Variants in SNX29 observed in about 807,000 individuals in gnomAD.
The protein encoded by SNX29 is sorting nexin 29.
Under a neutral mutation model 102.1 loss-of-function variants are expected in SNX29, and 78 were observed. The ratio of observed to expected loss-of-function variants is 0.76; its 90% CI spans 0.64 to 0.92. The LOEUF is 0.92. Ranked by LOEUF, SNX29 falls within the 40% of genes least tolerant of loss-of-function variation. The probability of loss-of-function intolerance (pLI) is 0.00; values close to 1 mark genes in which losing one functional copy is unlikely to be tolerated. For missense variants in SNX29, 1,280 were observed against 1,061.7 expected (o/e 1.21, Z -2.86); for synonymous variants, 580 against 414.5 (o/e 1.40, Z -4.85).
intron 16 of SNX29, among the ~76,000 whole-genome samples, chr16:12,370,172 A>G (rs1406562376): frequency 2.6e-5 from 4 of 152,226 alleles, no homozygotes; most frequent in Non-Finnish European, 5.9e-5. Context: ...CAGTGAGCCA[A>G]GATGGTGCCA....
intron 16 of SNX29, among the ~76,000 whole-genome samples, chr16:12,365,925 C>G (rs2082458194): frequency 6.7e-6 from 1 of 149,528 alleles, no homozygotes; most frequent in Non-Finnish European, 1.5e-5. Flanking sequence ...GCTTGTAGTC[C>G]CAGCTACTCG....
chr16:12,066,952 C>G (rs1027657797), intron 9 of SNX29, among the ~76,000 whole-genome samples: 2 of 150,842 alleles, frequency 1.3e-5, no homozygotes, highest in Non-Finnish European at 2.9e-5. Context: ...TGAGACTGGT[C>G]TGGGCAACAT....
At chr16:12,284,826 G>A (rs1473510524) in intron 15 of SNX29, among the ~76,000 whole-genome samples, 1 of 151,886 alleles carries the variant, frequency 6.6e-6, no homozygotes, top group East Asian at 1.9e-4. Flanking sequence ...CCAGGTTCAA[G>A]CAATTCTCCT....
intron 20 of SNX29, among the ~76,000 whole-genome samples, chr16:12,549,128 C>G (rs1025942502): frequency 6.6e-6 from 1 of 152,174 alleles, no homozygotes; most frequent in African/African-American, 2.4e-5. Context: ...ATGGAAAATT[C>G]TGGGGTAGTT....
intron 18 of SNX29, among the ~76,000 whole-genome samples, chr16:12,460,436 T>A (rs1321198673): frequency 6.6e-6 from 1 of 152,076 alleles, no homozygotes; most frequent in Non-Finnish European, 1.5e-5. Context: ...AGTAGAAAAC[T>A]CCTTCTATAT....
In SNX29 at chr16:12,461,978, A is replaced by AAAT. The variant is rs1555544501; in HGVS notation, c.2038-15740_2038-15739insATA. ...CTCAAAAAAAAAAAAAAAAAAAAAA[A>AAAT]ATATATATATATATATATATATATA... On this transcript the variant is annotated intron_variant, in intron 18 of 20. Coordinates refer to ENST00000566228, the MANE Select transcript of SNX29 (RefSeq NM_032167.5). Among the ~76,000 whole-genome samples the AAAT allele has an allele frequency of 1.1e-3, 30 of 27,350 alleles. 1 individual carries two copies. The highest frequency in any genetic ancestry group is 7.3e-3 in the South Asian group (3 of 410). 17.9% of individuals were successfully genotyped at this position (27,350 alleles called of 152,430 possible).
chr16:12,096,130 T>G lies in SNX29; in HGVS notation c.1402+17215T>G, dbSNP rs2052756818. 6.6e-6 allele frequency among the ~76,000 whole-genome samples: 1 copy of G among 152,218 alleles called. No individual in the cohort carries two copies. The highest frequency in any genetic ancestry group is 1.5e-5 in the Non-Finnish European group (1 of 68,042). ...GCTGCAGTCTGAGCCCCCTGCCCCT[T>G]AACTGCCGAGAAGTGAACCTAGGTG... On this transcript the variant is annotated intron_variant, in intron 11 of 20. Transcript: ENST00000566228. The surrounding 1 kb of genome is among the most constrained non-coding windows in gnomAD (Gnocchi z 4.2).
chr16:12,437,707 C>T (rs1408235859), intron 18 of SNX29, among the ~76,000 whole-genome samples: 3 of 152,236 alleles, frequency 2.0e-5, no homozygotes, highest in Non-Finnish European at 4.4e-5. Flanking sequence ...AGGAGCACAC[C>T]GGCACCCAGA....
intron 14 of SNX29, among the ~76,000 whole-genome samples, chr16:12,215,718 C>A (rs12930378): frequency 0.13 from 19,276 of 152,190 alleles, 2,136 homozygotes; most frequent in South Asian, 0.29. Context: ...TCAGCTTGCA[C>A]AGCTTCCCCT....
intron 11 of SNX29, among the ~76,000 whole-genome samples, chr16:12,114,116 C>G (rs1303626078): frequency 6.6e-6 from 1 of 152,210 alleles, no homozygotes; most frequent in East Asian, 1.9e-4. Flanking sequence ...ACGTTGCCTC[C>G]CGTGCCAACT....
chr16:12,546,910 C>G (rs1020977963), intron 20 of SNX29, among the ~76,000 whole-genome samples: 4 of 152,154 alleles, frequency 2.6e-5, no homozygotes, highest in African/African-American at 9.7e-5. Context: ...GCTGGAAGCC[C>G]TAGGAGGATG....
intron 20 of SNX29, among the ~76,000 whole-genome samples, chr16:12,554,678 C>T (rs370366872): frequency 2.0e-5 from 3 of 152,296 alleles, no homozygotes; most frequent in East Asian, 3.9e-4. Flanking sequence ...ACAGGGATGC[C>T]AATTCTCAGC....
intron 15 of SNX29, among the ~76,000 whole-genome samples, chr16:12,309,593 G>A (rs2080462761): frequency 1.3e-5 from 2 of 152,180 alleles, no homozygotes. Flanking sequence ...GTGTCCCAGA[G>A]CCCAATGTGG....
intron 20 of SNX29, among the ~76,000 whole-genome samples, chr16:12,542,020 CTGTTTTTTCTTTTT>C (rs2077364471): frequency 1.3e-5 from 2 of 152,046 alleles, no homozygotes; most frequent in South Asian, 2.1e-4. Flanking sequence ...CAGCACCGCT[CTGTTTTTTCTTTTT>C]TTAATTAGTT....
chr16:12,547,501 G>A (rs2077682106), intron 20 of SNX29, among the ~76,000 whole-genome samples: 1 of 152,150 alleles, frequency 6.6e-6, no homozygotes, highest in South Asian at 2.1e-4. Context: ...GAACTTGCTG[G>A]TTTCAATGTG....
In SNX29 at chr16:12,223,913, C is replaced by T. The variant is rs143620422; in HGVS notation, c.1678+24230C>T. Among the ~76,000 whole-genome samples the T allele has an allele frequency of 8.6e-4, 131 of 152,226 alleles. 1 individual carries two copies. The Middle Eastern group carries it at 0.017, about 20-fold the overall frequency. ...CTTTATGATACGTTCTGATCCTTAT[C>T]CTGTTGGACATACGAAGAAACGTAG... On this transcript the variant is annotated intron_variant, in intron 14 of 20. Coordinates refer to ENST00000566228, the MANE Select transcript of SNX29 (RefSeq NM_032167.5).
At chr16:12,180,326 T>C (rs1306483202) in intron 13 of SNX29, among the ~76,000 whole-genome samples, 1 of 152,206 alleles carries the variant, frequency 6.6e-6, no homozygotes, top group African/African-American at 2.4e-5. Flanking sequence ...CGTTGTTCTT[T>C]TATGTCATTT....
At chr16:12,097,454 C>G (rs1373695246) in intron 11 of SNX29, among the ~76,000 whole-genome samples, 1 of 152,214 alleles carries the variant, frequency 6.6e-6, no homozygotes, top group Non-Finnish European at 1.5e-5. Context: ...TCACCAGGCT[C>G]TCACTTGTCT....
At chr16:12,121,579 C>T (rs2053974515) in intron 11 of SNX29, among the ~76,000 whole-genome samples, 1 of 152,208 alleles carries the variant, frequency 6.6e-6, no homozygotes, top group African/African-American at 2.4e-5. Flanking sequence ...CTTGACATTT[C>T]CAACACCTGC....
Sources: gnomAD v4.1 joint callset for allele counts (sites outside exome capture counted in the v4.1 genomes callset) on GRCh38, gnomAD v4.1.1 for gene constraint, Gnocchi (gnomAD v3.1) non-coding constraint, MANE v1.5 for transcripts, NCBI Gene and HGNC (gene_info 2026-07-23, HGNC 2026-07-21) for gene names.